The following HUNK variants were observed in gnomAD, a reference collection of about 807,000 sequenced individuals.
The protein encoded by HUNK is hormonally up-regulated neu tumor-associated kinase.
Under a neutral mutation model 61.0 loss-of-function variants are expected in HUNK, and 21 were observed. The observed-to-expected ratio is 0.34, with a 90% CI of 0.24 to 0.50. The LOEUF is 0.50. Ranked by LOEUF, HUNK falls within the 20% of genes least tolerant of loss-of-function variation. The pLI is 0.98. For missense variants in HUNK, 772 were observed against 945.7 expected, an observed-to-expected ratio of 0.82 and a Z score of 2.41; for synonymous variants, 371 against 386.1, an observed-to-expected ratio of 0.96 and a Z score of 0.46.
chr21:31,913,682 A>C (rs560829158), intron 1 of HUNK, among the ~76,000 whole-genome samples: 2 of 151,860 alleles, frequency 1.3e-5, no homozygotes, highest in South Asian at 4.2e-4. Context: ...AGGCATTGGC[A>C]CTCATGGGCA....
intron 1 of HUNK, among the ~76,000 whole-genome samples, chr21:31,887,545 G>A (rs1302447257): frequency 6.6e-6 from 1 of 151,518 alleles, no homozygotes; most frequent in East Asian, 2.0e-4. Context: ...TTGAGTTCTT[G>A]TTGTCTTATG....
At position 31,916,833 on chromosome 21, in the gene HUNK, C is replaced by T. The variant is rs544190740; in HGVS notation, c.262-7635C>T. Among the ~76,000 whole-genome samples the T allele has an allele frequency of 6.1e-4, 93 of 152,160 alleles. 1 individual carries two copies. The highest frequency in any genetic ancestry group is 1.6e-3 in the African/African-American group (67 of 41,530). On this transcript the variant is annotated intron_variant, in intron 1 of 10. Transcript: ENST00000270112. ...CTGGGACTACAGGCATGCACCACCACGCCCAGATAATTTTTGTATTTTTAG... is the reference window on the plus strand; with the variant it reads ...CTGGGACTACAGGCATGCACCACCATGCCCAGATAATTTTTGTATTTTTAG...
intron 4 of HUNK, among the ~76,000 whole-genome samples, chr21:31,947,680 G>A (rs1437866948): frequency 6.6e-6 from 1 of 152,168 alleles, no homozygotes; most frequent in East Asian, 1.9e-4. Flanking sequence ...ATCCTCAGTT[G>A]CACCAAAGGT....
chr21:31,954,046 G>A (rs1050072362), intron 4 of HUNK, among the ~76,000 whole-genome samples: 5 of 152,160 alleles, frequency 3.3e-5, no homozygotes, highest in African/African-American at 1.2e-4. Context: ...GTCTGTTGAA[G>A]CCAGTTGGTG....
chr21:31,912,061 T>C (rs2052549808), intron 1 of HUNK, among the ~76,000 whole-genome samples: 1 of 152,190 alleles, frequency 6.6e-6, no homozygotes, highest in South Asian at 2.1e-4. Flanking sequence ...GGCTGCTGTC[T>C]ACCCCAAATT....
At chr21:31,993,401 GA>G (rs999080384) in intron 9 of HUNK, among the ~76,000 whole-genome samples, 1 of 152,156 alleles carries the variant, frequency 6.6e-6, no homozygotes, top group Non-Finnish European at 1.5e-5. Flanking sequence ...AGAGCAGCCT[GA>G]AAAAAATGTT....
At chr21:31,934,648 C>T (rs530879271) in intron 2 of HUNK, among the ~76,000 whole-genome samples, 1 of 152,236 alleles carries the variant, frequency 6.6e-6, no homozygotes, top group East Asian at 1.9e-4. Flanking sequence ...TTTCAACCCT[C>T]GTCCTCCTCT....
chr21:31,974,757 G>A, intron 7 of HUNK, 40 bp downstream of exon 7: 3 of 1,534,352 alleles, frequency 2.0e-6, no homozygotes, highest in Non-Finnish European at 2.6e-6. Flanking sequence ...TGCTGTCTGT[G>A]GAAAAAAGAG....
At chr21:31,996,870 A>C (rs2053209535) in intron 10 of HUNK, among the ~76,000 whole-genome samples, 1 of 152,204 alleles carries the variant, frequency 6.6e-6, no homozygotes, top group Admixed American at 6.5e-5. Flanking sequence ...CACTTTGCCC[A>C]AAGCAACCTG....
intron 7 of HUNK, among the ~76,000 whole-genome samples, chr21:31,979,726 A>G (rs556149463): frequency 1.1e-4 from 17 of 151,710 alleles, no homozygotes; most frequent in East Asian, 5.9e-4. Context: ...CGTGTTAGCC[A>G]GGATGGTCTC....
chr21:31,883,304 A>G (rs1168698653), intron 1 of HUNK, among the ~76,000 whole-genome samples: 1 of 152,030 alleles, frequency 6.6e-6, no homozygotes. Context: ...CCAACAGGGT[A>G]CTCATTTTGA....
rs1043776241 is a variant in HUNK at position 32,002,780 on chromosome 21, T to A, written c.*3596T>A. On this transcript the variant is annotated 3_prime_UTR_variant, in exon 11 of 11. Transcript: ENST00000270112. The stretch of plus-strand genomic sequence containing the variant: ...CTGTTCACAAAACGTTTTTCATATA[T>A]ACCACCTTGTTTCCCCTGGGAAGTG... 2.6e-5 allele frequency: 4 copies of A among 152,178 alleles called. No homozygotes were observed. The highest frequency in any genetic ancestry group is 5.9e-5 in the Non-Finnish European group (4 of 68,032). 9.4% of individuals were successfully genotyped at this position (152,178 alleles called of 1,614,324 possible). A position where few individuals can be genotyped will look rare whatever the true frequency, so the allele number is the denominator to read the frequency against.
chr21:31,950,182 G>A (rs944800754), intron 4 of HUNK, among the ~76,000 whole-genome samples: 6 of 152,304 alleles, frequency 3.9e-5, no homozygotes, highest in Non-Finnish European at 8.8e-5. Context: ...TAATGGCTGT[G>A]GAGGAAGTGA....
chr21:31,998,894 C>T lies in HUNK; in HGVS notation c.1855C>T (p.Leu619=). 1 of 1,614,258 alleles carries T rather than the reference C, an allele frequency of 6.2e-7. No homozygotes were observed. The highest frequency in any genetic ancestry group is 1.1e-5 in the South Asian group (1 of 91,086). ...SPLHTPLHPT[L]VSFAHEDKNS... The stretch of plus-strand genomic sequence containing the variant: ...TCTCCATACTCCTTTGCATCCAACT[C>T]TGGTCTCTTTTGCTCACGAAGATAA... The change falls in exon 11 of 11, where the codon CTG becomes TTG. Residue 619 remains leucine (L), a synonymous_variant. Coordinates refer to ENST00000270112, the MANE Select transcript of HUNK (RefSeq NM_014586.2).
chr21:31,875,693 C>A (rs1339242543), intron 1 of HUNK, among the ~76,000 whole-genome samples: 1 of 152,100 alleles, frequency 6.6e-6, no homozygotes, highest in Non-Finnish European at 1.5e-5. Flanking sequence ...TTGGCACTGG[C>A]GATGGAAGTT....
At chr21:31,976,110 A>G (rs1449535783) in intron 7 of HUNK, among the ~76,000 whole-genome samples, 2 of 152,194 alleles carry the variant, frequency 1.3e-5, no homozygotes, top group African/African-American at 4.8e-5. Flanking sequence ...TCTCAACAAT[A>G]AAGAGATTTA....
chr21:31,956,663 A>G (rs2052891398), intron 4 of HUNK, among the ~76,000 whole-genome samples: 1 of 152,170 alleles, frequency 6.6e-6, no homozygotes, highest in Non-Finnish European at 1.5e-5. Flanking sequence ...GCCACCTGGC[A>G]CGTGCCCTTC....
intron 1 of HUNK, among the ~76,000 whole-genome samples, chr21:31,893,490 A>C (rs1184740096): frequency 2.0e-5 from 3 of 152,158 alleles, no homozygotes; most frequent in Admixed American, 1.3e-4. Context: ...CTGGTCTCCT[A>C]TAGTCATGTT....
chr21:31,906,277 C>A (rs1392676127), intron 1 of HUNK, among the ~76,000 whole-genome samples: 1 of 152,178 alleles, frequency 6.6e-6, no homozygotes, highest in Non-Finnish European at 1.5e-5. Flanking sequence ...CCTAGGATTT[C>A]TCAGTGCTGG....
Sources: gnomAD v4.1 joint callset for allele counts (sites outside exome capture counted in the v4.1 genomes callset) on GRCh38, gnomAD v4.1.1 for gene constraint, MANE v1.5 for transcripts, NCBI Gene and HGNC (gene_info 2026-07-23, HGNC 2026-07-21) for gene names.